The following SDR42E1 variants were observed in gnomAD, a reference collection of about 807,000 sequenced individuals.
SDR42E1 encodes the protein short-chain dehydrogenase/reductase family 42E member 1.
A neutral mutation model predicts 2.6 loss-of-function variants in SDR42E1; 5 were observed. The ratio of observed to expected loss-of-function variants is 1.94; its 90% CI spans 1.01 to 4.08. The LOEUF is 4.08. Among genes scored for constraint, SDR42E1 ranks in the 30% most tolerant of loss-of-function variants. SDR42E1 has a pLI of 0.00. For synonymous variants in SDR42E1, 231 were observed against 188.3 expected (o/e 1.23, Z -1.86); for missense variants, 596 against 478.6 (o/e 1.25, Z -2.29).
intron 1 of SDR42E1, among the ~76,000 whole-genome samples, chr16:82,009,524 G>T (rs966292910): frequency 9.9e-5 from 15 of 152,232 alleles, no homozygotes; most frequent in Admixed American, 8.5e-4. Flanking sequence ...CTGCCCCGCT[G>T]GATTTTAGAC....
chr16:82,010,890 C>T (rs1468362040), intron 1 of SDR42E1, among the ~76,000 whole-genome samples: 9 of 152,224 alleles, frequency 5.9e-5, no homozygotes, highest in Admixed American at 5.9e-4. Context: ...TCCACCTCCA[C>T]AATTTCTGTC....
Position 81,996,570 on chromosome 16 carries a change from A to G in SDR42E1, c.*2541T>C, listed in dbSNP as rs1271021682. On this transcript the variant is annotated 3_prime_UTR_variant, in exon 3 of 3. Coordinates refer to ENST00000328945, the MANE Select transcript of SDR42E1 (RefSeq NM_145168.3). ...TGGGACATCCATGTGGAGTTGCAGAAGTACTTAGATATGAGTCTGGAGCCC... is the reference window on the plus strand; with the variant it reads ...TGGGACATCCATGTGGAGTTGCAGAGGTACTTAGATATGAGTCTGGAGCCC... The G allele has an allele frequency of 6.6e-6, 1 of 152,126 alleles. No homozygotes were observed. The highest frequency in any genetic ancestry group is 1.5e-5 in the Non-Finnish European group (1 of 68,052). The allele number at this position is 152,126 out of a possible 1,614,324, so 9.4% of individuals were successfully genotyped here. A position where few individuals can be genotyped will look rare whatever the true frequency, so the allele number is the denominator to read the frequency against.
chr16:82,010,257 C>T (rs1913082503), intron 1 of SDR42E1, among the ~76,000 whole-genome samples: 2 of 152,202 alleles, frequency 1.3e-5, no homozygotes, highest in African/African-American at 4.8e-5. Context: ...TTATCATCAG[C>T]TTTCAGAAAT....
rs759267239 is a variant in SDR42E1, at chr16:81,999,606, C to G, written c.687G>C (p.Val229=). ...LVEFVHVDNL[V]QAHILASEAL... ...CTTCTGAGGCCAGAATGTGAGCCTGCACCAAGTTATCCACGTGGACAAACT... is the reference window on the plus strand; with the variant it reads ...CTTCTGAGGCCAGAATGTGAGCCTGGACCAAGTTATCCACGTGGACAAACT... Residue 229 remains valine, a synonymous_variant, in exon 3 of 3, where the codon GTG becomes GTC. Transcript: ENST00000328945. The G allele has an allele frequency of 1.1e-4, 172 of 1,613,996 alleles. No individual in the cohort carries two copies. The highest frequency in any genetic ancestry group is 1.4e-4 in the Non-Finnish European group (163 of 1,180,010).
chr16:81,995,025 G>A lies in SDR42E1; in HGVS notation c.*4086C>T, dbSNP rs554254924. ...ACTGTCTGCCCCTGTCACCAGAAAC[G>A]GCACTGAGGACATCCAAGAAGTATT... is the stretch of plus-strand genomic sequence containing the variant. On this transcript the variant is annotated 3_prime_UTR_variant, in exon 3 of 3. Coordinates refer to ENST00000328945, the MANE Select transcript of SDR42E1 (RefSeq NM_145168.3). 3 of 152,258 alleles carry A rather than the reference G, an allele frequency of 2.0e-5. No individual in the cohort carries two copies. Among genetic ancestry groups the A allele is most frequent in the African/African-American group, 7.2e-5 (3 of 41,530 alleles). The allele number at this position is 152,258 out of a possible 1,614,324, so 9.4% of individuals were successfully genotyped here.
chr16:82,006,605 C>T (rs1912944046), intron 1 of SDR42E1, among the ~76,000 whole-genome samples: 2 of 152,098 alleles, frequency 1.3e-5, no homozygotes, highest in African/African-American at 4.8e-5. Flanking sequence ...CCAGCTGGGC[C>T]AACATGGTGA....
In SDR42E1 at chr16:81,991,814, T is replaced by G. The variant is rs1597171378; in HGVS notation, c.*7297A>C. The stretch of plus-strand genomic sequence containing the variant: ...CGCTGGGTACCCTTGGGCAAGGTAC[T>G]GCATCTCCCTAAGCCTCAGTTTCCT... On this transcript the variant is annotated 3_prime_UTR_variant, in exon 3 of 3. Transcript: ENST00000328945. The G allele has an allele frequency of 6.7e-6, 1 of 148,562 alleles. No homozygotes were observed. The highest frequency in any genetic ancestry group is 2.6e-5 in the African/African-American group (1 of 38,060). 9.2% of individuals were successfully genotyped at this position (148,562 alleles called of 1,614,324 possible).
rs1487735443 is a variant in SDR42E1 at position 81,997,109 on chromosome 16, T to G, written c.*2002A>C. On this transcript the variant is annotated 3_prime_UTR_variant, in exon 3 of 3. Transcript: ENST00000328945. ...GTGGGTGTGGCTTTTGTGAGTGAAC[T>G]GCAATAAGACTCAGGTGACGCATTC... The G allele has an allele frequency of 6.6e-6, 1 of 152,194 alleles. No individual in the cohort carries two copies. The highest frequency in any genetic ancestry group is 1.5e-5 in the Non-Finnish European group (1 of 68,082). 9.4% of individuals were successfully genotyped at this position (152,194 alleles called of 1,614,324 possible).
chr16:82,003,692 C>A (rs560534165), intron 1 of SDR42E1, among the ~76,000 whole-genome samples: 47 of 152,312 alleles, frequency 3.1e-4, no homozygotes, highest in African/African-American at 1.1e-3. Context: ...AACACAGATG[C>A]CTGTACCCTA....
Position 81,989,164 on chromosome 16 carries a change from C to G in SDR42E1, c.*9947G>C, listed in dbSNP as rs1912371698. On this transcript the variant is annotated 3_prime_UTR_variant, in exon 3 of 3. Coordinates refer to ENST00000328945, the MANE Select transcript of SDR42E1 (RefSeq NM_145168.3). ...TGAAACCAGAACTGTCTTAGGCCAA[C>G]TAGGACATATGCTTATCATCTTTAT... The G allele has an allele frequency of 6.6e-6, 1 of 152,156 alleles. No homozygotes were observed. The highest frequency in any genetic ancestry group is 1.5e-5 in the Non-Finnish European group (1 of 68,022). 9.4% of individuals were successfully genotyped at this position (152,156 alleles called of 1,614,324 possible).
rs1384819613 is a variant in SDR42E1, at chr16:81,992,107, G to C, written c.*7004C>G. 6.6e-6 allele frequency: 1 copy of C among 152,128 alleles called. No individual in the cohort carries two copies. Among genetic ancestry groups the C allele is most frequent in the East Asian group, 1.9e-4 (1 of 5,178 alleles). The allele number at this position is 152,128 out of a possible 1,614,324, so 9.4% of individuals were successfully genotyped here. On this transcript the variant is annotated 3_prime_UTR_variant, in exon 3 of 3. Transcript: ENST00000328945. ...GGAGGTGGAGGTTGCAGTGAGCTGA[G>C]ATCACGCCATTGCACTCCAGCCTGG...
rs997501080 is a variant in SDR42E1 at position 81,990,626 on chromosome 16, C to A, written c.*8485G>T. 6.6e-6 allele frequency: 1 copy of A among 152,138 alleles called. No individual in the cohort carries two copies. The highest frequency in any genetic ancestry group is 2.4e-5 in the African/African-American group (1 of 41,424). 9.4% of individuals were successfully genotyped at this position (152,138 alleles called of 1,614,324 possible). Reference sequence around the variant, plus strand: ...TGTGCCATTAAATCCATACAAGTTCCCCCAAGAGATAAGCAGGGAATGTTT... The same window carrying A: ...TGTGCCATTAAATCCATACAAGTTCACCCAAGAGATAAGCAGGGAATGTTT... On this transcript the variant is annotated 3_prime_UTR_variant, in exon 3 of 3. Coordinates refer to ENST00000328945, the MANE Select transcript of SDR42E1 (RefSeq NM_145168.3).
At chr16:82,010,464 T>G (rs1215423606) in intron 1 of SDR42E1, among the ~76,000 whole-genome samples, 3 of 152,000 alleles carry the variant, frequency 2.0e-5, no homozygotes, top group African/African-American at 7.2e-5. Flanking sequence ...AATCTTGGGG[T>G]CCCAAGATCA....
In SDR42E1 at chr16:81,999,896, T is replaced by C. The variant is rs1333892260; in HGVS notation, c.397A>G (p.Ile133Val). 2.5e-6 allele frequency: 4 copies of C among 1,614,080 alleles called. No homozygotes were observed. Among genetic ancestry groups the C allele is most frequent in the Non-Finnish European group, 2.5e-6 (3 of 1,180,048 alleles). The change falls in exon 3 of 3, where the codon ATC becomes GTC. Residue 133 changes from isoleucine (I) to valine (V), a missense_variant. Physicochemically the swap from Ile to Val is conservative, Grantham distance 29. Coordinates refer to ENST00000328945, the MANE Select transcript of SDR42E1 (RefSeq NM_145168.3). ...TFNVIFGGQV[I>V]RNGDESLPYL... ...GGCAGAGATTCATCCCCATTTCTGA[T>C]AACTTGACCTCCAAAGATGACATTG...
At position 81,999,784 on chromosome 16, in the gene SDR42E1, G is replaced by A; in HGVS notation, c.509C>T (p.Pro170Leu). The A allele has an allele frequency of 6.2e-7, 1 of 1,614,174 alleles. No individual in the cohort carries two copies. ...TAAGACACCGTCGCCTCTGTCCAGGGGTGTAGCATTCGCCTCCAGCACCTT... is the reference window on the plus strand; with the variant it reads ...TAAGACACCGTCGCCTCTGTCCAGGAGTGTAGCATTCGCCTCCAGCACCTT... The part of the protein sequence containing the change: ...EQKVLEANAT[P>L]LDRGDGVLRT... Residue 170 changes from proline to leucine, a missense_variant, in exon 3 of 3, where the codon CCC (proline) becomes CTC (leucine). Pro to Leu is a moderately conservative substitution (Grantham distance 98, BLOSUM62 -3). Coordinates refer to ENST00000328945, the MANE Select transcript of SDR42E1 (RefSeq NM_145168.3).
chr16:81,991,104 G>C lies in SDR42E1; in HGVS notation c.*8007C>G, dbSNP rs1240590745. 1 of 152,172 alleles carries C rather than the reference G, an allele frequency of 6.6e-6. No individual in the cohort carries two copies. Among genetic ancestry groups the C allele is most frequent in the Non-Finnish European group, 1.5e-5 (1 of 68,042 alleles). The allele number at this position is 152,172 out of a possible 1,614,324, so 9.4% of individuals were successfully genotyped here. A position where few individuals can be genotyped will look rare whatever the true frequency, so the allele number is the denominator to read the frequency against. On this transcript the variant is annotated 3_prime_UTR_variant, in exon 3 of 3. Transcript: ENST00000328945. ...TGCAATGTGACCAATATCAGTATTT[G>C]ATTAGGTACACAAACAAGTCTTCCT...
chr16:81,999,133 G>A lies in SDR42E1; in HGVS notation c.1160C>T (p.Ser387Phe). 6.2e-7 allele frequency: 1 copy of A among 1,613,892 alleles called. No homozygotes were observed. Among genetic ancestry groups the A allele is most frequent in the Non-Finnish European group, 8.5e-7 (1 of 1,179,930 alleles). The change falls in exon 3 of 3, where the codon TCT becomes TTT. Residue 387 changes from serine (S) to phenylalanine (F), a missense_variant. Coordinates refer to ENST00000328945, the MANE Select transcript of SDR42E1 (RefSeq NM_145168.3). ...LIIAVLMWLP[S>F]SVILSL ...CCTTCACAGTGACAGAATCACAGAA[G>A]AAGGCAGCCACATGAGAACTGCTAT...
Position 81,995,161 on chromosome 16 carries a change from T to A in SDR42E1, c.*3950A>T, listed in dbSNP as rs1433977877. 6.6e-6 allele frequency: 1 copy of A among 152,248 alleles called. No individual in the cohort carries two copies. Among genetic ancestry groups the A allele is most frequent in the Non-Finnish European group, 1.5e-5 (1 of 68,082 alleles). 9.4% of individuals were successfully genotyped at this position (152,248 alleles called of 1,614,324 possible). On this transcript the variant is annotated 3_prime_UTR_variant, in exon 3 of 3. Coordinates refer to ENST00000328945, the MANE Select transcript of SDR42E1 (RefSeq NM_145168.3). Reference sequence around the variant, plus strand: ...TGTTGCTCACACATCCTTCCTTCATTGCGACCCTCCATCAATCATATGGAT... The same window carrying A: ...TGTTGCTCACACATCCTTCCTTCATAGCGACCCTCCATCAATCATATGGAT...
In SDR42E1 at chr16:81,995,455, G is replaced by A. The variant is rs1195180329; in HGVS notation, c.*3656C>T. On this transcript the variant is annotated 3_prime_UTR_variant, in exon 3 of 3. Transcript: ENST00000328945. ...TAGACTAAGTCTTTTAAAGTGGTGAGTTTTCAGCTGAGATGTGGAGGGAGC... is the reference window on the plus strand; with the variant it reads ...TAGACTAAGTCTTTTAAAGTGGTGAATTTTCAGCTGAGATGTGGAGGGAGC... 1 of 152,198 alleles carries A rather than the reference G, an allele frequency of 6.6e-6. No homozygotes were observed. The highest frequency in any genetic ancestry group is 6.5e-5 in the Admixed American group (1 of 15,288). 9.4% of individuals were successfully genotyped at this position (152,198 alleles called of 1,614,324 possible). A position where few individuals can be genotyped will look rare whatever the true frequency, so the allele number is the denominator to read the frequency against.
Sources: gnomAD v4.1 joint callset for allele counts (sites outside exome capture counted in the v4.1 genomes callset) on GRCh38, gnomAD v4.1.1 for gene constraint, MANE v1.5 for transcripts, NCBI Gene and HGNC (gene_info 2026-07-23, HGNC 2026-07-21) for gene names.